The following YAP1 variants were observed in gnomAD, a reference collection of about 807,000 sequenced individuals.
The protein encoded by YAP1 is Yes1 associated transcriptional regulator.
A neutral mutation model predicts 56.9 loss-of-function variants in YAP1; 5 were observed. That is an observed-to-expected ratio of 0.09 (90% CI 0.05 to 0.18). The LOEUF (loss-of-function observed/expected upper bound fraction) is 0.18, where lower values mean the gene tolerates loss of function less well. Among genes scored for constraint, YAP1 ranks in the 10% least tolerant of loss-of-function variants. YAP1 has a pLI of 1.00. For synonymous variants in YAP1, 265 were observed against 248.1 expected, an observed-to-expected ratio of 1.07 and a Z score of -0.64; for missense variants, 539 against 651.8, an observed-to-expected ratio of 0.83 and a Z score of 1.88.
chr11:102,134,986 C>T (rs1944590527), intron 2 of YAP1, among the ~76,000 whole-genome samples: 1 of 152,178 alleles, frequency 6.6e-6, no homozygotes, highest in South Asian at 2.1e-4. Flanking sequence ...TCAAGTGATT[C>T]TCCTGCCTCA....
intron 4 of YAP1, among the ~76,000 whole-genome samples, chr11:102,194,214 G>C (rs1037642632): frequency 1.3e-5 from 2 of 152,198 alleles, no homozygotes; most frequent in African/African-American, 2.4e-5. Flanking sequence ...GGTGTTGCTT[G>C]CTACTTTTTG....
intron 4 of YAP1, among the ~76,000 whole-genome samples, chr11:102,193,689 A>G (rs1253769523): frequency 1.3e-5 from 2 of 152,324 alleles, no homozygotes; most frequent in Non-Finnish European, 2.9e-5. Context: ...TACATTGTTC[A>G]TACAGGATTT....
Position 102,153,755 on chromosome 11 carries a change from G to A in YAP1, c.573-8701G>A, listed in dbSNP as rs192837720. ...CCTTTTTACTAACTTTTTAGATTCC[G>A]AGAGCTTGAGTTTGTTCTTAGTGAG... On this transcript the variant is annotated intron_variant, in intron 2 of 8. Transcript: ENST00000282441. Among the ~76,000 whole-genome samples, 98 of 151,746 alleles carry A rather than the reference G, an allele frequency of 6.5e-4. 1 individual carries two copies. The highest frequency in any genetic ancestry group is 5.9e-4 in the Non-Finnish European group (40 of 67,914).
At position 102,217,143 on chromosome 11, in the gene YAP1, A is replaced by G. The variant is rs182995572; in HGVS notation, c.1033-6479A>G. ...TGGAACCAAGACCTAGCCATAAGCC[A>G]TTGGCCCTTCTTACTACATTTCTCT... On this transcript the variant is annotated intron_variant, in intron 6 of 8. Transcript: ENST00000282441. Among the ~76,000 whole-genome samples the G allele has an allele frequency of 7.2e-5, 11 of 152,332 alleles. No individual in the cohort carries two copies. In the East Asian group the frequency reaches 2.1e-3, roughly 29 times the overall value.
chr11:102,153,950 C>G (rs1054028097), intron 2 of YAP1, among the ~76,000 whole-genome samples: 1 of 152,050 alleles, frequency 6.6e-6, no homozygotes, highest in African/African-American at 2.4e-5. Context: ...GCATGGGTCT[C>G]ATAGATTGAG....
At chr11:102,154,049 A>T (rs917717509) in intron 2 of YAP1, among the ~76,000 whole-genome samples, 1 of 152,174 alleles carries the variant, frequency 6.6e-6, no homozygotes, top group African/African-American at 2.4e-5. Context: ...GACTATTAGT[A>T]ACATTTTCTA....
intron 2 of YAP1, among the ~76,000 whole-genome samples, chr11:102,149,851 T>G (rs946141045): frequency 6.6e-6 from 1 of 152,162 alleles, no homozygotes; most frequent in African/African-American, 2.4e-5. Context: ...CATGATGACT[T>G]TGCTCATAGT....
chr11:102,198,663 A>G (rs1948691566), intron 4 of YAP1, among the ~76,000 whole-genome samples: 1 of 152,154 alleles, frequency 6.6e-6, no homozygotes, highest in African/African-American at 2.4e-5. Context: ...AACCAAAAAC[A>G]CTTTTCCCCA....
At chr11:102,184,908 T>A (rs555432658) in intron 3 of YAP1, among the ~76,000 whole-genome samples, 1 of 152,362 alleles carries the variant, frequency 6.6e-6, no homozygotes, top group South Asian at 2.1e-4. Context: ...TGTACCAGAC[T>A]GATCAACCTG....
At chr11:102,122,895 C>A (rs77851077) in intron 2 of YAP1, among the ~76,000 whole-genome samples, 16 of 79,444 alleles carry the variant, frequency 2.0e-4, no homozygotes, top group South Asian at 8.9e-4. Context: ...AGACTTCTCT[C>A]AAAAAAAAAA....
At chr11:102,210,795 G>A (rs1011992206) in intron 6 of YAP1, among the ~76,000 whole-genome samples, 8 of 151,970 alleles carry the variant, frequency 5.3e-5, no homozygotes, top group African/African-American at 1.2e-4. Flanking sequence ...CTCTGTTGCC[G>A]AGGCTGGAGT....
At chr11:102,144,283 T>C (rs1945192509) in intron 2 of YAP1, among the ~76,000 whole-genome samples, 1 of 152,214 alleles carries the variant, frequency 6.6e-6, no homozygotes, top group Non-Finnish European at 1.5e-5. Context: ...TCAGGTTATA[T>C]AGTTCTTGTC....
intron 3 of YAP1, among the ~76,000 whole-genome samples, chr11:102,175,832 A>AT (rs989854189): frequency 5.3e-5 from 8 of 152,200 alleles, no homozygotes; most frequent in African/African-American, 1.4e-4. Flanking sequence ...GGTGACAGGA[A>AT]TTTTTTAGCT....
At chr11:102,173,117 A>G (rs969714600) in intron 3 of YAP1, among the ~76,000 whole-genome samples, 6 of 152,194 alleles carry the variant, frequency 3.9e-5, no homozygotes, top group Admixed American at 3.9e-4. Flanking sequence ...AGTGGTGGTG[A>G]TGAAAGTGAT....
At chr11:102,182,633 C>T (rs924467976) in intron 3 of YAP1, among the ~76,000 whole-genome samples, 5 of 152,134 alleles carry the variant, frequency 3.3e-5, no homozygotes, top group African/African-American at 1.2e-4. Flanking sequence ...TGTATTGTTC[C>T]ATTAACACTG....
chr11:102,229,698 C>T lies in YAP1; in HGVS notation c.1277-4C>T, dbSNP rs116990751. On this transcript the variant is annotated splice_region_variant and splice_polypyrimidine_tract_variant and intron_variant, in intron 8 of 8. Transcript: ENST00000282441. ...ACTTTGTTATCTCTGTGTGTTTCCACTAGGTGATACTATCAACCAAAGCAC... is the reference window on the plus strand; with the variant it reads ...ACTTTGTTATCTCTGTGTGTTTCCATTAGGTGATACTATCAACCAAAGCAC... The T allele has an allele frequency of 1.5e-3, 2,340 of 1,611,750 alleles. 47 individuals are homozygous for T. In the East Asian group the frequency reaches 0.037, roughly 25 times the overall value.
intron 6 of YAP1, among the ~76,000 whole-genome samples, chr11:102,215,555 ACCT>A (rs1286202544): frequency 1.3e-5 from 2 of 152,050 alleles, no homozygotes; most frequent in Non-Finnish European, 2.9e-5. Context: ...GCTCACTGCA[ACCT>A]CCTCCTCGTG....
intron 4 of YAP1, among the ~76,000 whole-genome samples, chr11:102,191,280 C>T (rs1204146759): frequency 6.6e-6 from 1 of 152,064 alleles, no homozygotes; most frequent in Non-Finnish European, 1.5e-5. Context: ...CTTCTGATCA[C>T]TGCAGAACAT....
chr11:102,150,656 T>G (rs1175616913), intron 2 of YAP1, among the ~76,000 whole-genome samples: 2 of 152,152 alleles, frequency 1.3e-5, no homozygotes, highest in Admixed American at 1.3e-4. Flanking sequence ...TTACAGTAAC[T>G]TAAAAAAATG....
Sources: allele counts gnomAD v4.1 joint callset (sites outside exome capture counted in the v4.1 genomes callset), GRCh38; gene constraint gnomAD v4.1.1; transcripts MANE v1.5; gene names NCBI Gene and HGNC (gene_info 2026-07-23, HGNC 2026-07-21).